CMSS1: variants seen among roughly 807,000 people sequenced by gnomAD.
The protein encoded by CMSS1 is protein CMSS1.
Under a neutral mutation model 43.5 loss-of-function variants are expected in CMSS1, and 33 were observed. That is an observed-to-expected ratio of 0.76 (90% CI 0.57 to 1.01). The LOEUF (loss-of-function observed/expected upper bound fraction) is 1.01, where lower values mean the gene tolerates loss of function less well. CMSS1 is among the 50% of genes least tolerant of loss of function. The pLI is 0.00. For synonymous variants in CMSS1, 115 were observed against 117.2 expected (o/e 0.98, Z 0.12); for missense variants, 313 against 326.4 (o/e 0.96, Z 0.32).
chr3:100,170,540 T>G (rs182574135), intron 6 of CMSS1, among the ~76,000 whole-genome samples: 14 of 152,332 alleles, frequency 9.2e-5, no homozygotes, highest in Non-Finnish European at 1.8e-4. Flanking sequence ...ATTGATGACA[T>G]TCTGTGGGTT....
rs761510214 is a variant in CMSS1, at chr3:99,910,048, T to TG, written c.64+92006dup. ...ATTACTTAACAGTGAAGGGCTTCAG[T>TG]GTGGGGTCAGCTCACCCTCATTGCA... On this transcript the variant is annotated intron_variant, in intron 1 of 9. Transcript: ENST00000421999. Among the ~76,000 whole-genome samples, 6 of 109,478 alleles carry TG rather than the reference T, an allele frequency of 5.5e-5. 2 individuals carry two copies. Among genetic ancestry groups the TG allele is most frequent in the Non-Finnish European group, 1.3e-4 (6 of 45,268 alleles). 71.8% of individuals were successfully genotyped at this position (109,478 alleles called of 152,430 possible).
At chr3:100,150,188 C>T (rs1010019514) in intron 2 of CMSS1, among the ~76,000 whole-genome samples, 3 of 152,160 alleles carry the variant, frequency 2.0e-5, no homozygotes, top group African/African-American at 4.8e-5. Flanking sequence ...ATTGTTTACA[C>T]GCATAGAACT....
intron 1 of CMSS1, among the ~76,000 whole-genome samples, chr3:99,991,861 T>G (rs1709522283): frequency 6.6e-6 from 1 of 150,674 alleles, no homozygotes; most frequent in Non-Finnish European, 1.5e-5. Flanking sequence ...TGTGTGTATG[T>G]GTATATATAT....
chr3:99,878,067 A>G (rs1705594877), intron 1 of CMSS1, among the ~76,000 whole-genome samples: 1 of 152,178 alleles, frequency 6.6e-6, no homozygotes, highest in South Asian at 2.1e-4. Context: ...TGAAGAATAG[A>G]GGAAAGAGGA....
intron 1 of CMSS1, among the ~76,000 whole-genome samples, chr3:100,048,778 C>T (rs1318929743): frequency 2.6e-5 from 4 of 152,050 alleles, no homozygotes; most frequent in African/African-American, 9.7e-5. Context: ...CCTAACTAGC[C>T]CTAGGTTTTT....
At chr3:100,034,557 A>C (rs1165017615) in intron 1 of CMSS1, among the ~76,000 whole-genome samples, 1 of 152,196 alleles carries the variant, frequency 6.6e-6, no homozygotes, top group Non-Finnish European at 1.5e-5. Flanking sequence ...TGGGGCCTCA[A>C]ATCCCATCTG....
chr3:99,893,907 A>G (rs562376816), intron 1 of CMSS1, among the ~76,000 whole-genome samples: 7 of 152,272 alleles, frequency 4.6e-5, no homozygotes, highest in South Asian at 4.1e-4. Flanking sequence ...CAAATCCACA[A>G]ATATTTCTGT....
chr3:99,881,430 T>G (rs1277235238), intron 1 of CMSS1, among the ~76,000 whole-genome samples: 1 of 152,208 alleles, frequency 6.6e-6, no homozygotes, highest in East Asian at 1.9e-4. Flanking sequence ...AAAGACCTAT[T>G]AGGTCATCTT....
chr3:99,857,190 G>A (rs984516604), intron 1 of CMSS1, among the ~76,000 whole-genome samples: 5 of 147,624 alleles, frequency 3.4e-5, no homozygotes, highest in African/African-American at 1.3e-4. Context: ...TTAAGAGGAT[G>A]CTCTAATATT....
chr3:99,821,664 A>G (rs997944431), intron 1 of CMSS1, among the ~76,000 whole-genome samples: 3 of 152,214 alleles, frequency 2.0e-5, no homozygotes, highest in Non-Finnish European at 2.9e-5. Flanking sequence ...AATGTAGTTG[A>G]CCGGTCTGGG....
At chr3:99,874,508 G>A (rs1705404813) in intron 1 of CMSS1, 2 of 152,154 alleles carry the variant, frequency 1.3e-5, no homozygotes, top group South Asian at 4.1e-4. Flanking sequence ...ATAATAGTTT[G>A]TGGAAAATCC....
At chr3:99,922,470 C>A (rs1707155521) in intron 1 of CMSS1, among the ~76,000 whole-genome samples, 1 of 152,050 alleles carries the variant, frequency 6.6e-6, no homozygotes, top group Admixed American at 6.5e-5. Flanking sequence ...AATAAACCTC[C>A]TGGAAAAAAT....
chr3:100,175,907 C>A (rs1235318799), intron 8 of CMSS1, among the ~76,000 whole-genome samples: 1 of 152,202 alleles, frequency 6.6e-6, no homozygotes, highest in African/African-American at 2.4e-5. Flanking sequence ...CCAACCCTGT[C>A]CTCATCTTTC....
intron 1 of CMSS1, among the ~76,000 whole-genome samples, chr3:100,139,729 G>A (rs1041271333): frequency 1.1e-4 from 16 of 149,914 alleles, no homozygotes; most frequent in East Asian, 7.9e-4. Flanking sequence ...CCCAGGAGGC[G>A]GAGGTTGCAG....
intron 1 of CMSS1, among the ~76,000 whole-genome samples, chr3:99,835,548 T>G (rs1382398652): frequency 2.6e-5 from 4 of 152,170 alleles, no homozygotes; most frequent in Non-Finnish European, 4.4e-5. Flanking sequence ...GTTCTTAAAT[T>G]TTATATGCCC....
At chr3:100,005,791 A>G (rs183691601) in intron 1 of CMSS1, among the ~76,000 whole-genome samples, 44 of 152,290 alleles carry the variant, frequency 2.9e-4, no homozygotes, top group African/African-American at 9.4e-4. Flanking sequence ...GTTTTGTGGA[A>G]TTTCTATTAT....
chr3:99,883,570 C>T (rs1294698995), intron 1 of CMSS1, among the ~76,000 whole-genome samples: 3 of 152,078 alleles, frequency 2.0e-5, no homozygotes, highest in Admixed American at 6.6e-5. Flanking sequence ...TTTAGACAAC[C>T]ATATCACACT....
At chr3:100,128,631 A>C (rs142551625) in intron 1 of CMSS1, among the ~76,000 whole-genome samples, 114 of 152,290 alleles carry the variant, frequency 7.5e-4, no homozygotes, top group African/African-American at 2.6e-3. Flanking sequence ...GTTCCTTAAG[A>C]TCCCTTCCCA....
chr3:99,932,063 A>G (rs1707498784), intron 1 of CMSS1, among the ~76,000 whole-genome samples: 1 of 152,212 alleles, frequency 6.6e-6, no homozygotes, highest in South Asian at 2.1e-4. Flanking sequence ...ACAAACTGCT[A>G]TATGCTACCA....
Sources: allele counts gnomAD v4.1 joint callset (sites outside exome capture counted in the v4.1 genomes callset), GRCh38; gene constraint gnomAD v4.1.1; transcripts MANE v1.5; gene names NCBI Gene and HGNC (gene_info 2026-07-23, HGNC 2026-07-21).